Variants in OGDHL observed in about 807,000 individuals in gnomAD.
OGDHL encodes the protein oxoglutarate dehydrogenase L.
In OGDHL, 79 loss-of-function variants were observed where a neutral mutation model predicts 109.6. The ratio of observed to expected loss-of-function variants is 0.72; its 90% CI spans 0.60 to 0.87. OGDHL has a LOEUF of 0.87. OGDHL is among the 40% of genes least tolerant of loss of function. The probability of loss-of-function intolerance (pLI) is 0.00; values close to 1 mark genes in which losing one functional copy is unlikely to be tolerated. For missense variants in OGDHL, 1,275 were observed against 1,362.2 expected (o/e 0.94, Z 1.01); for synonymous variants, 528 against 537.2 (o/e 0.98, Z 0.24).
chr10:49,759,624 T>TG (rs2132275672), intron 1 of OGDHL, among the ~76,000 whole-genome samples: 1 of 150,862 alleles, frequency 6.6e-6, no homozygotes, highest in Admixed American at 6.6e-5. Context: ...CCCATACCCC[T>TG]GCCACCTCAT....
chr10:49,742,728 T>C lies in OGDHL; in HGVS notation c.2012+100A>G. 2.1e-6 allele frequency: 3 copies of C among 1,428,268 alleles called. No homozygotes were observed. The South Asian group carries it at 4.1e-5, about 19-fold the overall frequency. The allele number at this position is 1,428,268 out of a possible 1,614,324, so 88.5% of individuals were successfully genotyped here. ...CTGAGGGCAGGGGCTAGGGATGCTG[T>C]GAAGATCCCACCCCAACAAAGGCCC... On this transcript the variant is annotated intron_variant, in intron 15 of 22. Coordinates refer to ENST00000374103, the MANE Select transcript of OGDHL (RefSeq NM_018245.3).
chr10:49,736,579 A>C, intron 20 of OGDHL, 59 bp from the exon 21 acceptor site: 5 of 1,563,920 alleles, frequency 3.2e-6, no homozygotes, highest in Non-Finnish European at 4.3e-6. Context: ...GGGGCAGCTC[A>C]GGACCAGGCC....
intron 17 of OGDHL, 56 bp downstream of exon 17, chr10:49,739,605 C>G: frequency 6.3e-7 from 1 of 1,577,422 alleles, no homozygotes; most frequent in Non-Finnish European, 8.6e-7. Context: ...GTCCATCCCG[C>G]CCCTTCAAGG....
chr10:49,742,865 G>T lies in OGDHL; in HGVS notation c.1975C>A (p.Arg659=), dbSNP rs575307672. The T allele has an allele frequency of 6.2e-7, 1 of 1,613,602 alleles. No homozygotes were observed. Among genetic ancestry groups the T allele is most frequent in the African/African-American group, 1.3e-5 (1 of 74,934 alleles). ...CTCTCCACATCCTGCCCGCTGAGCC[G>T]CACGTGGATGCCTTCCTTCAGCAGG... ...GSLLKEGIHV[R]LSGQDVERGT... Residue 659 remains arginine (R), a synonymous_variant, in exon 15 of 23, where the codon CGG becomes AGG. Coordinates refer to ENST00000374103, the MANE Select transcript of OGDHL (RefSeq NM_018245.3).
chr10:49,746,666 G>T, intron 10 of OGDHL, 84 bp downstream of exon 10: 1 of 1,545,588 alleles, frequency 6.5e-7, no homozygotes. Context: ...AGAGCCAGGA[G>T]CATCTCACTT....
intron 21 of OGDHL, 29 bp from the exon 22 acceptor site, chr10:49,736,206 C>T (rs759838333): frequency 6.4e-7 from 1 of 1,572,846 alleles, no homozygotes; most frequent in African/African-American, 1.3e-5. Context: ...AGGAGCATAG[C>T]CAGAGGAGGG....
Position 49,750,898 on chromosome 10 carries a change from G to A in OGDHL, c.837C>T (p.Thr279=), listed in dbSNP as rs1384903463. ...CCATCTCGCTGGATTTGTCGATGAT[G>A]GTCTTGAGGGCAGGAATCATCACTT... is the stretch of plus-strand genomic sequence containing the variant. ...GCEVMIPALK[T]IIDKSSEMGI... The change falls in exon 7 of 23, where the codon ACC becomes ACT. Residue 279 remains threonine (T), a synonymous_variant. Coordinates refer to ENST00000374103, the MANE Select transcript of OGDHL (RefSeq NM_018245.3). 7.4e-6 allele frequency: 12 copies of A among 1,612,500 alleles called. No individual in the cohort carries two copies. The African/African-American group carries it at 1.1e-4, about 14-fold the overall frequency.
At position 49,738,005 on chromosome 10, in the gene OGDHL, G is replaced by A; in HGVS notation, c.2459C>T (p.Thr820Ile). The part of the protein sequence containing the change: ...DCNWIVVNCS[T>I]PANYFHVLRR... ...CAGCACGTGGAAGTAGTTGGCCGGT[G>A]TGGAGCAGTTGACCACGATCCAGTT... The change falls in exon 19 of 23, where the codon ACA (threonine) becomes ATA (isoleucine). Residue 820 changes from threonine (T) to isoleucine (I), a missense_variant. Thr to Ile is a moderately conservative substitution (Grantham distance 89, BLOSUM62 -1). Coordinates refer to ENST00000374103, the MANE Select transcript of OGDHL (RefSeq NM_018245.3). The A allele has an allele frequency of 1.9e-6, 3 of 1,614,236 alleles. No homozygotes were observed. The highest frequency in any genetic ancestry group is 2.5e-6 in the Non-Finnish European group (3 of 1,180,044).
At chr10:49,741,707 A>AACACATACAT (rs1841672844) in intron 15 of OGDHL, among the ~76,000 whole-genome samples, 1 of 146,644 alleles carries the variant, frequency 6.8e-6, no homozygotes, top group Non-Finnish European at 1.5e-5. Context: ...CCACACACCA[A>AACACATACAT]ACACATACAT....
At chr10:49,740,916 G>A (rs1288463793) in intron 15 of OGDHL, 79 bp from the exon 16 acceptor site, 3 of 1,566,128 alleles carry the variant, frequency 1.9e-6, no homozygotes, top group African/African-American at 1.3e-5. Flanking sequence ...GAGCTGGGCA[G>A]CAGGAGGCAG....
At chr10:49,742,739 C>G in intron 15 of OGDHL, 89 bp downstream of exon 15, 1 of 1,475,208 alleles carries the variant, frequency 6.8e-7, no homozygotes, top group Non-Finnish European at 9.1e-7. Flanking sequence ...GAAGATCCCA[C>G]CCCAACAAAG....
intron 22 of OGDHL, among the ~76,000 whole-genome samples, chr10:49,735,687 C>T (rs976593934): frequency 6.6e-6 from 1 of 152,232 alleles, no homozygotes; most frequent in Non-Finnish European, 1.5e-5. Context: ...CCCAGGAACA[C>T]ATGATGCCAG....
chr10:49,750,099 C>T (rs989138368), intron 7 of OGDHL, among the ~76,000 whole-genome samples: 29 of 152,162 alleles, frequency 1.9e-4, no homozygotes, highest in African/African-American at 6.8e-4. Context: ...ACCCCAAAGT[C>T]CTGGCAGGCC....
chr10:49,742,580 C>T (rs992231642), intron 15 of OGDHL, among the ~76,000 whole-genome samples: 1 of 148,176 alleles, frequency 6.7e-6, no homozygotes, highest in African/African-American at 2.6e-5. Context: ...ACCCCCCACA[C>T]ACACATGATC....
rs747201103 is a variant in OGDHL at position 49,737,956 on chromosome 10, G to C, written c.2508C>G (p.Phe836Leu). 4 of 1,614,134 alleles carry C rather than the reference G, an allele frequency of 2.5e-6. No homozygotes were observed. Among genetic ancestry groups the C allele is most frequent in the Non-Finnish European group, 3.4e-6 (4 of 1,180,030 alleles). ...HVLRRQILLP[F>L]RKPLIIFTPK... The stretch of plus-strand genomic sequence containing the variant: ...TGGGACGGAGACTCACCGGCTTGCG[G>C]AAGGGCAGCAGGATCTGCCGGCGCA... The change falls in exon 19 of 23, where the codon TTC (phenylalanine) becomes TTG (leucine). Residue 836 changes from phenylalanine (F) to leucine (L), a missense_variant. Phe to Leu is a conservative substitution (Grantham distance 22). Coordinates refer to ENST00000374103, the MANE Select transcript of OGDHL (RefSeq NM_018245.3).
intron 15 of OGDHL, among the ~76,000 whole-genome samples, chr10:49,741,801 C>T (rs553635107): frequency 1.2e-4 from 16 of 138,342 alleles, no homozygotes; most frequent in African/African-American, 4.4e-4. Flanking sequence ...CACATACATG[C>T]AAAACACACC....
chr10:49,740,315 TGCA>T (rs1184146365), intron 16 of OGDHL, among the ~76,000 whole-genome samples: 2 of 151,922 alleles, frequency 1.3e-5, no homozygotes, highest in Admixed American at 6.5e-5. Context: ...GGGATCTCAG[TGCA>T]GTGTTCCTAG....
chr10:49,751,129 A>T, intron 6 of OGDHL, 144 bp from the exon 7 acceptor site: 10 of 760,126 alleles, frequency 1.3e-5, no homozygotes, highest in Non-Finnish European at 2.1e-5. Flanking sequence ...TACATGGTCC[A>T]GGGCCCACCA....
intron 1 of OGDHL, among the ~76,000 whole-genome samples, chr10:49,759,399 C>T (rs1475540793): frequency 6.6e-6 from 1 of 152,024 alleles, no homozygotes; most frequent in Non-Finnish European, 1.5e-5. Flanking sequence ...ACCCAGACCA[C>T]GGGGAACCAG....
Sources: gnomAD v4.1 joint callset for allele counts (sites outside exome capture counted in the v4.1 genomes callset) on GRCh38, gnomAD v4.1.1 for gene constraint, MANE v1.5 for transcripts, NCBI Gene and HGNC (gene_info 2026-07-23, HGNC 2026-07-21) for gene names.